THAP12: variants seen among roughly 807,000 people sequenced by gnomAD.
THAP12 encodes 52 kDa repressor of the inhibitor of the protein kinase.
A neutral mutation model predicts 63.0 loss-of-function variants in THAP12; 20 were observed. The observed-to-expected ratio is 0.32, with a 90% confidence interval of 0.22 to 0.46. The LOEUF is 0.46. Ranked by LOEUF, THAP12 falls within the 20% of genes least tolerant of loss-of-function variation. The probability of loss-of-function intolerance (pLI) is 1.00; values close to 1 mark genes in which losing one functional copy is unlikely to be tolerated. For synonymous variants in THAP12, 264 were observed against 328.4 expected, an observed-to-expected ratio of 0.80 and a Z score of 2.12; for missense variants, 568 against 908.2, an observed-to-expected ratio of 0.63 and a Z score of 4.81.
chr11:76,376,101 G>A (rs112850663), intron 1 of THAP12, among the ~76,000 whole-genome samples: 94 of 152,084 alleles, frequency 6.2e-4, no homozygotes, highest in Non-Finnish European at 1.2e-3. Context: ...TTTTTGTTTG[G>A]GATAAATGAA....
Position 76,351,136 on chromosome 11 carries a change from T to C in THAP12, c.2014A>G (p.Lys672Glu). 6.2e-7 allele frequency: 1 copy of C among 1,607,576 alleles called. No individual in the cohort carries two copies. The highest frequency in any genetic ancestry group is 8.5e-7 in the Non-Finnish European group (1 of 1,177,420). ...IYEALHLPDIKFFPNVYALLK... is the reference protein window; with the variant it reads ...IYEALHLPDIEFFPNVYALLK... ...AATGCATACACATTAGGAAAAAACT[T>C]GATGTCAGGCAGGTGGAGGGCTTCA... Residue 672 changes from lysine to glutamate, a missense_variant, in exon 5 of 5, where the codon AAG becomes GAG. Lys to Glu is a moderately conservative substitution (Grantham distance 56). Transcript: ENST00000260045.
chr11:76,371,746 G>A (rs997020433), intron 1 of THAP12, among the ~76,000 whole-genome samples: 2 of 150,666 alleles, frequency 1.3e-5, no homozygotes, highest in African/African-American at 2.4e-5. Flanking sequence ...AATTACTAAC[G>A]ACCCTATCCT....
chr11:76,369,747 C>T (rs535502654), intron 1 of THAP12, among the ~76,000 whole-genome samples: 3 of 152,376 alleles, frequency 2.0e-5, no homozygotes, highest in South Asian at 4.1e-4. Context: ...ACGTCTCTAA[C>T]GGTCTTCTCT....
rs376440520 is a variant in THAP12, at chr11:76,351,281, G to A, written c.1869C>T (p.His623=). 2.5e-6 allele frequency: 4 copies of A among 1,574,958 alleles called. No homozygotes were observed. Among genetic ancestry groups the A allele is most frequent in the Non-Finnish European group, 3.5e-6 (4 of 1,156,816 alleles). Reference sequence around the variant, plus strand: ...AGTCACTTCTATACATGTCAGCATGGTGTTCCTCCGACGTATTGAATTTGA... The same window carrying A: ...AGTCACTTCTATACATGTCAGCATGATGTTCCTCCGACGTATTGAATTTGA... The part of the protein sequence containing the change: ...GQLKFNTSEE[H]HADMYRSDLP... Residue 623 remains histidine, a synonymous_variant, in exon 5 of 5, where the codon CAC becomes CAT. Transcript: ENST00000260045.
At position 76,360,969 on chromosome 11, in the gene THAP12, C is replaced by T. The variant is rs976162015; in HGVS notation, c.305G>A (p.Arg102Gln). 8 of 1,598,428 alleles carry T rather than the reference C, an allele frequency of 5.0e-6. No individual in the cohort carries two copies. The highest frequency in any genetic ancestry group is 4.5e-4 in the Middle Eastern group (2 of 4,408). ...LNNPHSRHRKRIKELSEDEIR... is the reference protein window; with the variant it reads ...LNNPHSRHRKQIKELSEDEIR... ...ACATAGACATACCAGTTCTTTTATT[C>T]GTTTTCTGTGTCTACTATGTGGGTT... The change falls in exon 3 of 5, where the codon CGA becomes CAA. Residue 102 changes from arginine to glutamine, a missense_variant. Coordinates refer to ENST00000260045, the MANE Select transcript of THAP12 (RefSeq NM_004705.4).
Position 76,365,702 on chromosome 11 carries a change from T to C in THAP12, c.210+150A>G, listed in dbSNP as rs931592547. 12 of 1,090,474 alleles carry C rather than the reference T, an allele frequency of 1.1e-5. No homozygotes were observed. The African/African-American group carries it at 1.5e-4, about 13-fold the overall frequency. 67.5% of individuals were successfully genotyped at this position (1,090,474 alleles called of 1,614,324 possible). A position where few individuals can be genotyped will look rare whatever the true frequency, so the allele number is the denominator to read the frequency against. Reference sequence around the variant, plus strand: ...ATCAGGATTTTAAGAACAAAACAGATACTTTTCAGCTCCAAATCTGTCTTC... The same window carrying C: ...ATCAGGATTTTAAGAACAAAACAGACACTTTTCAGCTCCAAATCTGTCTTC... On this transcript the variant is annotated intron_variant, in intron 2 of 4. Coordinates refer to ENST00000260045, the MANE Select transcript of THAP12 (RefSeq NM_004705.4).
chr11:76,370,864 A>T (rs1946669630), intron 1 of THAP12, among the ~76,000 whole-genome samples: 2 of 150,282 alleles, frequency 1.3e-5, no homozygotes, highest in South Asian at 4.2e-4. Flanking sequence ...ATATGACCAC[A>T]ATAAGTGTTT....
rs1379360893 is a variant in THAP12, at chr11:76,380,947, G to A, written c.-111C>T. 1 of 557,776 alleles carries A rather than the reference G, an allele frequency of 1.8e-6. No individual in the cohort carries two copies. Among genetic ancestry groups the A allele is most frequent in the African/African-American group, 2.0e-5 (1 of 49,394 alleles). The allele number at this position is 557,776 out of a possible 1,614,324, so 34.6% of individuals were successfully genotyped here. A position where few individuals can be genotyped will look rare whatever the true frequency, so the allele number is the denominator to read the frequency against. On this transcript the variant is annotated 5_prime_UTR_variant, in exon 1 of 5. Coordinates refer to ENST00000260045, the MANE Select transcript of THAP12 (RefSeq NM_004705.4). The stretch of plus-strand genomic sequence containing the variant: ...CCAGGCCGGCCGGCCGGCTCGGCAG[G>A]GCCGACGCGCGGGGGAGGGGCGGGC...
intron 1 of THAP12, among the ~76,000 whole-genome samples, chr11:76,366,959 C>A (rs1416131574): frequency 1.3e-5 from 2 of 152,092 alleles, no homozygotes; most frequent in East Asian, 1.9e-4. Context: ...GAGCCAGACA[C>A]GTTCTAAGTC....
intron 1 of THAP12, among the ~76,000 whole-genome samples, chr11:76,374,111 A>G (rs1238606848): frequency 2.6e-5 from 4 of 152,208 alleles, no homozygotes; most frequent in Non-Finnish European, 5.9e-5. Context: ...ATCTAGCCTC[A>G]TAACGATATG....
intron 1 of THAP12, among the ~76,000 whole-genome samples, chr11:76,378,242 A>C (rs1475209003): frequency 6.6e-6 from 1 of 152,038 alleles, no homozygotes; most frequent in African/African-American, 2.4e-5. Flanking sequence ...AACATGGCGA[A>C]ACCCCGTCTT....
chr11:76,350,439 A>G lies in THAP12; in HGVS notation c.*425T>C, dbSNP rs1946517066. ...CCAGTATAGATTTTTAACATACTTA[A>G]AACTCCTATTAGTCAAAGGTCAATT... On this transcript the variant is annotated 3_prime_UTR_variant, in exon 5 of 5. Transcript: ENST00000260045. The G allele has an allele frequency of 6.5e-6, 1 of 153,442 alleles. No individual in the cohort carries two copies. Among genetic ancestry groups the G allele is most frequent in the Non-Finnish European group, 1.5e-5 (1 of 68,828 alleles). The allele number at this position is 153,442 out of a possible 1,614,324, so 9.5% of individuals were successfully genotyped here.
At chr11:76,369,876 G>A (rs966567982) in intron 1 of THAP12, among the ~76,000 whole-genome samples, 1 of 152,254 alleles carries the variant, frequency 6.6e-6, no homozygotes, top group African/African-American at 2.4e-5. Context: ...CCTTCAGACT[G>A]TGCCTGTCTT....
At chr11:76,376,940 A>AAGATAACGCATAATGGGGC (rs766834069) in intron 1 of THAP12, among the ~76,000 whole-genome samples, 159 of 152,304 alleles carry the variant, frequency 1.0e-3, no homozygotes, top group Non-Finnish European at 1.9e-3. Context: ...GGGTAAAAGG[A>AAGATAACGCATAATGGGGC]AGATAACGCA....
chr11:76,353,519 T>A (rs1428455620), intron 4 of THAP12, among the ~76,000 whole-genome samples: 1 of 152,168 alleles, frequency 6.6e-6, no homozygotes, highest in Non-Finnish European at 1.5e-5. Context: ...TACAAACCAG[T>A]ATAATATAAA....
At chr11:76,355,815 A>T (rs899090937) in intron 3 of THAP12, 161 bp from the exon 4 acceptor site, 3 of 512,554 alleles carry the variant, frequency 5.9e-6, no homozygotes, top group African/African-American at 5.9e-5. Context: ...AAACAAACAG[A>T]CAATGAGAAA....
intron 2 of THAP12, among the ~76,000 whole-genome samples, chr11:76,365,393 G>GT (rs1565233879): frequency 2.0e-5 from 3 of 151,518 alleles, no homozygotes; most frequent in East Asian, 1.9e-4. Flanking sequence ...ATCATTTTGA[G>GT]TTTTTTTTCC....
chr11:76,356,287 T>TGCCA (rs1362011333), intron 3 of THAP12: 1 of 152,258 alleles, frequency 6.6e-6, no homozygotes, highest in Non-Finnish European at 1.5e-5. Flanking sequence ...AAAGCAGCAA[T>TGCCA]GCCAGTGACA....
intron 4 of THAP12, among the ~76,000 whole-genome samples, chr11:76,354,730 A>G (rs1352169676): frequency 6.6e-6 from 1 of 152,130 alleles, no homozygotes; most frequent in Non-Finnish European, 1.5e-5. Context: ...GTTATCACCT[A>G]CTTATAAACC....
Sources: allele counts gnomAD v4.1 joint callset (sites outside exome capture counted in the v4.1 genomes callset), GRCh38; gene constraint gnomAD v4.1.1; transcripts MANE v1.5; gene names NCBI Gene and HGNC (gene_info 2026-07-23, HGNC 2026-07-21).